STK33: variants seen among roughly 807,000 people sequenced by gnomAD.
STK33 encodes serine/threonine-protein kinase 33.
A neutral mutation model predicts 58.0 loss-of-function variants in STK33; 52 were observed. The ratio of observed to expected loss-of-function variants is 0.90; its 90% CI spans 0.72 to 1.13. STK33 has a LOEUF of 1.13. STK33 is among the 50% of genes most tolerant of loss of function. The pLI, the probability that STK33 is intolerant of heterozygous loss-of-function variation, is 0.00. For missense variants in STK33, 630 were observed against 604.2 expected, an observed-to-expected ratio of 1.04 and a Z score of -0.45; for synonymous variants, 215 against 200.1, an observed-to-expected ratio of 1.07 and a Z score of -0.63.
chr11:8,383,434 G>A, the STK33 span, among the ~76,000 whole-genome samples: 376 of 152,298 alleles, frequency 2.5e-3, no homozygotes, highest in African/African-American at 8.4e-3. Flanking sequence ...CCCCAGGAAC[G>A]TGTCATCAGA....
chr11:8,439,869 T>TTATATAGATATATATATATATATA (rs1944511942), intron 12 of STK33, among the ~76,000 whole-genome samples: 1 of 107,274 alleles, frequency 9.3e-6, no homozygotes, highest in Non-Finnish European at 1.9e-5. Context: ...TATATTATAA[T>TTATATAGATATATATATATATATA]TATATATATA....
intron 1 of STK33, among the ~76,000 whole-genome samples, chr11:8,487,483 C>G (rs1330200578): frequency 1.3e-5 from 2 of 149,406 alleles, no homozygotes; most frequent in East Asian, 1.9e-4. Flanking sequence ...AGAAAAGGCA[C>G]CTGAAGTCAT....
intron 1 of STK33, among the ~76,000 whole-genome samples, chr11:8,540,824 C>T (rs1955450311): frequency 6.6e-6 from 1 of 152,032 alleles, no homozygotes; most frequent in Non-Finnish European, 1.5e-5. Context: ...AGATAATACA[C>T]AACATGAGGA....
At chr11:8,361,023 G>A in the STK33 span, among the ~76,000 whole-genome samples, 2 of 152,156 alleles carry the variant, frequency 1.3e-5, 1 homozygote. This position sits in a 1 kb window ranked among gnomAD's most constrained non-coding sequence, Gnocchi z 4.8. Context: ...AATCTTGGGG[G>A]GTCACCTTTA....
At chr11:8,536,909 G>T in intron 1 of STK33, among the ~76,000 whole-genome samples, 1 of 115,332 alleles carries the variant, frequency 8.7e-6, no homozygotes, top group African/African-American at 3.4e-5. Flanking sequence ...AGCCTTCCAA[G>T]TAGCTAGGAC....
At chr11:8,373,746 C>T in the STK33 span, among the ~76,000 whole-genome samples, 1 of 152,122 alleles carries the variant, frequency 6.6e-6, no homozygotes, top group Admixed American at 6.5e-5. Context: ...GGTTGTGGGG[C>T]GTGGAGTTCC....
intron 9 of STK33, among the ~76,000 whole-genome samples, chr11:8,456,829 C>T (rs1250287643): frequency 6.6e-6 from 1 of 152,070 alleles, no homozygotes; most frequent in Admixed American, 6.5e-5. Flanking sequence ...CTAATATAAG[C>T]TATGGACTTA....
chr11:8,436,261 G>A, intron 12 of STK33, 122 bp from the exon 13 acceptor site: 1 of 501,612 alleles, frequency 2.0e-6, no homozygotes, highest in Non-Finnish European at 3.4e-6. Context: ...GATGGGAAGA[G>A]ATGGGTACCT....
chr11:8,444,421 T>A (rs927068967), intron 11 of STK33, among the ~76,000 whole-genome samples: 2 of 152,320 alleles, frequency 1.3e-5, no homozygotes, highest in South Asian at 4.1e-4. Context: ...ACAAGAATGT[T>A]AAGTTCCATG....
intron 12 of STK33, among the ~76,000 whole-genome samples, chr11:8,439,195 C>T (rs1177643527): frequency 2.6e-5 from 4 of 152,126 alleles, no homozygotes; most frequent in African/African-American, 9.7e-5. Flanking sequence ...TTCAATTTAA[C>T]AAACATATTG....
At chr11:8,503,911 T>C (rs541155062) in intron 1 of STK33, among the ~76,000 whole-genome samples, 2 of 152,346 alleles carry the variant, frequency 1.3e-5, no homozygotes, top group East Asian at 3.9e-4. Context: ...ACTTGACTTC[T>C]GTGTTTTAAA....
chr11:8,445,374 T>C (rs1223717184), intron 11 of STK33, among the ~76,000 whole-genome samples: 3 of 152,096 alleles, frequency 2.0e-5, no homozygotes, highest in East Asian at 1.9e-4. Flanking sequence ...CCTTTATTTC[T>C]TTCTCTTGCC....
intron 12 of STK33, among the ~76,000 whole-genome samples, chr11:8,437,246 C>A (rs903452399): frequency 3.3e-5 from 5 of 152,116 alleles, no homozygotes; most frequent in African/African-American, 1.2e-4. Context: ...AAACAATGTA[C>A]CTTTAGACTC....
chr11:8,388,048 C>G (rs1011055977), downstream of STK33, among the ~76,000 whole-genome samples: 1 of 152,164 alleles, frequency 6.6e-6, no homozygotes, highest in Non-Finnish European at 1.5e-5. Flanking sequence ...GAAGCCTGGA[C>G]GGAGACAGGG....
At chr11:8,350,569 G>A in the STK33 span, among the ~76,000 whole-genome samples, 21 of 152,306 alleles carry the variant, frequency 1.4e-4, 1 homozygote, top group Middle Eastern at 0.024. Flanking sequence ...CACTCTTCTG[G>A]TGCCAGCCAC....
At chr11:8,583,729 C>G (rs887809453) in intron 1 of STK33, among the ~76,000 whole-genome samples, 4 of 152,056 alleles carry the variant, frequency 2.6e-5, no homozygotes, top group Non-Finnish European at 5.9e-5. Flanking sequence ...AAATAAGTTA[C>G]TTTTAATCTC....
chr11:8,534,532 TTCTCTCTCTCTC>T (rs61429377), intron 1 of STK33, among the ~76,000 whole-genome samples: 109 of 122,518 alleles, frequency 8.9e-4, no homozygotes, highest in South Asian at 2.2e-3. Context: ...GTATATATAT[TTCTCTCTCTCTC>T]TCTCTCTCTC....
At chr11:8,491,236 G>C (rs754177440) in intron 1 of STK33, among the ~76,000 whole-genome samples, 2 of 152,176 alleles carry the variant, frequency 1.3e-5, no homozygotes, top group Non-Finnish European at 2.9e-5. Flanking sequence ...AAACAGTGTA[G>C]AAAAGAACTT....
chr11:8,482,978 G>C (rs942531308), intron 1 of STK33, among the ~76,000 whole-genome samples: 2 of 151,976 alleles, frequency 1.3e-5, no homozygotes, highest in African/African-American at 2.4e-5. Context: ...TAATCTGCCT[G>C]CCTCGGCCTC....
Sources: gnomAD v4.1 joint callset for allele counts (sites outside exome capture counted in the v4.1 genomes callset) on GRCh38, gnomAD v4.1.1 for gene constraint, Gnocchi (gnomAD v3.1) non-coding constraint, MANE v1.5 for transcripts, NCBI Gene and HGNC (gene_info 2026-07-23, HGNC 2026-07-21) for gene names.